Variants in DENND10 observed in about 807,000 individuals in gnomAD.
The protein encoded by DENND10 is DENN domain containing 10.
DENND10 carries 24 observed loss-of-function variants against 43.6 expected under a neutral mutation model. The ratio of observed to expected loss-of-function variants is 0.55; its 90% CI spans 0.40 to 0.77. The LOEUF is 0.77. Ranked by LOEUF, DENND10 falls within the 30% of genes least tolerant of loss-of-function variation. The pLI is 0.00. For synonymous variants in DENND10, 125 were observed against 157.6 expected (o/e 0.79, Z 1.55); for missense variants, 303 against 429.9 (o/e 0.70, Z 2.61).
At chr10:119,119,129 C>T (rs1021508169) in intron 4 of DENND10, among the ~76,000 whole-genome samples, 1 of 152,082 alleles carries the variant, frequency 6.6e-6, no homozygotes, top group African/African-American at 2.4e-5. Context: ...CTCAGCCTCC[C>T]AAGTAGCTGG....
chr10:119,108,747 C>T (rs546746433), intron 2 of DENND10, among the ~76,000 whole-genome samples: 89 of 151,124 alleles, frequency 5.9e-4, no homozygotes, highest in African/African-American at 2.1e-3. Flanking sequence ...CTCCGCCTCC[C>T]GGGTTCAAGC....
At chr10:119,117,785 G>A in intron 4 of DENND10, 118 bp downstream of exon 4, 1 of 939,458 alleles carries the variant, frequency 1.1e-6, no homozygotes, top group Admixed American at 2.8e-5. Flanking sequence ...GGTTAACATG[G>A]TGAAACCTCG....
chr10:119,112,483 TTTTC>T (rs1471429871), intron 3 of DENND10, among the ~76,000 whole-genome samples: 21 of 150,554 alleles, frequency 1.4e-4, no homozygotes, highest in Admixed American at 1.4e-3. Context: ...TTCTTTTTCT[TTTTC>T]TTTTTCTTTT....
chr10:119,133,580 A>C (rs1846178367), intron 8 of DENND10: 1 of 152,252 alleles, frequency 6.6e-6, no homozygotes, highest in African/African-American at 2.4e-5. Flanking sequence ...CAAGATAATT[A>C]CAGCCCATGT....
At chr10:119,128,605 C>CA (rs144367027) in intron 6 of DENND10, among the ~76,000 whole-genome samples, 79,483 of 140,260 alleles carry the variant, frequency 0.57, 22,014 homozygotes, top group Middle Eastern at 0.69. Flanking sequence ...GAGACTGTCT[C>CA]AAAAAAAAAA....
intron 1 of DENND10, among the ~76,000 whole-genome samples, 174 bp downstream of exon 1, chr10:119,104,371 A>G (rs1001076936): frequency 2.0e-4 from 31 of 151,356 alleles, no homozygotes; most frequent in Non-Finnish European, 4.0e-4. Context: ...TCCTTGGTGC[A>G]GGGGACCCGG....
rs1311362038 is a variant in DENND10 at position 119,129,567 on chromosome 10, T to G, written c.747T>G (p.Tyr249Ter). Reference sequence around the variant, plus strand: ...AGGTGAGCAACAGACCAGACCTCTATGATGTGTTTGTGAATCTGGCAGAGA... The same window carrying G: ...AGGTGAGCAACAGACCAGACCTCTAGGATGTGTTTGTGAATCTGGCAGAGA... ...DLEVSNRPDL[Y>*]DVFVNLAESE... is the part of the protein sequence containing the mutation. The change falls in exon 7 of 9, where the codon TAT (tyrosine) becomes TAG (stop). Residue 249 changes from tyrosine to a stop codon, truncating the protein, a stop_gained. Transcript: ENST00000361432. LOFTEE classifies it high-confidence loss of function. The G allele has an allele frequency of 6.2e-7, 1 of 1,613,898 alleles. No homozygotes were observed. The highest frequency in any genetic ancestry group is 1.7e-5 in the Admixed American group (1 of 59,998).
At chr10:119,131,380 C>G (rs1211732303) in intron 7 of DENND10, among the ~76,000 whole-genome samples, 1 of 152,190 alleles carries the variant, frequency 6.6e-6, no homozygotes, top group Non-Finnish European at 1.5e-5. Flanking sequence ...ATCAGTTGAA[C>G]CCGGGAGGCA....
chr10:119,118,033 C>T (rs1307824862), intron 4 of DENND10, among the ~76,000 whole-genome samples: 1 of 151,902 alleles, frequency 6.6e-6, no homozygotes, highest in Admixed American at 6.6e-5. Context: ...AATCCCCAAG[C>T]CAAAAACAGT....
intron 3 of DENND10, among the ~76,000 whole-genome samples, chr10:119,117,039 C>T: frequency 6.6e-6 from 1 of 152,004 alleles, no homozygotes; most frequent in East Asian, 1.9e-4. Flanking sequence ...GAAAGTAATA[C>T]TACTTTCTAC....
chr10:119,131,589 G>C (rs1846091444), intron 7 of DENND10, among the ~76,000 whole-genome samples: 1 of 152,174 alleles, frequency 6.6e-6, no homozygotes, highest in African/African-American at 2.4e-5. Flanking sequence ...GCTTTGTTTT[G>C]TCACTTATCT....
Position 119,132,635 on chromosome 10 carries a change from T to C in DENND10, c.897+26T>C. Reference sequence around the variant, plus strand: ...GTAACTCCCTCACCTTCTGACTTACTGAAAGTCCTGACCCGGTGTCGCTGG... The same window carrying C: ...GTAACTCCCTCACCTTCTGACTTACCGAAAGTCCTGACCCGGTGTCGCTGG... On this transcript the variant is annotated intron_variant, in intron 8 of 8. Coordinates refer to ENST00000361432, the MANE Select transcript of DENND10 (RefSeq NM_207009.4). The surrounding 1 kb of genome is among the most constrained non-coding windows in gnomAD (Gnocchi z 4.2). The C allele has an allele frequency of 1.9e-6, 3 of 1,573,508 alleles. No individual in the cohort carries two copies. Among genetic ancestry groups the C allele is most frequent in the Non-Finnish European group, 2.6e-6 (3 of 1,142,938 alleles).
Position 119,126,206 on chromosome 10 carries a change from A to T in DENND10, c.694+2637A>T, listed in dbSNP as rs191820927. ...CATTTTCTTTTCCATTCATCTGTTG[A>T]TGGACACTCAGTTTGATTCCAAATC... On this transcript the variant is annotated intron_variant, in intron 6 of 8. Transcript: ENST00000361432. Among the ~76,000 whole-genome samples the T allele has an allele frequency of 3.3e-5, 5 of 152,088 alleles. No individual in the cohort carries two copies. In the East Asian group the frequency reaches 9.7e-4, roughly 29 times the overall value.
chr10:119,120,881 A>G (rs528389405), intron 5 of DENND10, among the ~76,000 whole-genome samples: 2 of 152,156 alleles, frequency 1.3e-5, no homozygotes, highest in East Asian at 3.9e-4. Context: ...CCTTCTGTTC[A>G]GTTTTATCAA....
At chr10:119,129,867 T>C (rs1408304610) in intron 7 of DENND10, among the ~76,000 whole-genome samples, 1 of 152,262 alleles carries the variant, frequency 6.6e-6, no homozygotes, top group Non-Finnish European at 1.5e-5. Context: ...TTCACTACTT[T>C]TGTGTTTAAA....
At chr10:119,111,178 G>C (rs1373086561) in intron 2 of DENND10, among the ~76,000 whole-genome samples, 1 of 145,528 alleles carries the variant, frequency 6.9e-6, no homozygotes, top group Non-Finnish European at 1.5e-5. Context: ...TGAGGCATGA[G>C]AATTGCTTGA....
chr10:119,117,371 C>CA (rs918376870), intron 3 of DENND10, 148 bp from the exon 4 acceptor site: 266 of 809,294 alleles, frequency 3.3e-4, no homozygotes, highest in Middle Eastern at 4.9e-4. Context: ...GACTCTGTCT[C>CA]AAAAAAAACA....
chr10:119,120,983 AT>A (rs2133494903), intron 5 of DENND10, among the ~76,000 whole-genome samples: 1 of 151,832 alleles, frequency 6.6e-6, no homozygotes, highest in South Asian at 2.1e-4. Context: ...TTTAAATTTT[AT>A]TTTCATTTTT....
Position 119,104,127 on chromosome 10 carries a change from G to A in DENND10, c.-16G>A. 2 of 1,502,780 alleles carry A rather than the reference G, an allele frequency of 1.3e-6. No homozygotes were observed. Among genetic ancestry groups the A allele is most frequent in the Non-Finnish European group, 1.8e-6 (2 of 1,126,178 alleles). The allele number at this position is 1,502,780 out of a possible 1,614,324, so 93.1% of individuals were successfully genotyped here. The stretch of plus-strand genomic sequence containing the variant: ...CTGCAGGCGGCAGCCAGAGCTGCGC[G>A]CCGCGGCGGCGGAAGATGGCTGCGG... On this transcript the variant is annotated 5_prime_UTR_variant, in exon 1 of 9. Coordinates refer to ENST00000361432, the MANE Select transcript of DENND10 (RefSeq NM_207009.4).
Sources: gnomAD v4.1 joint callset for allele counts (sites outside exome capture counted in the v4.1 genomes callset) on GRCh38, gnomAD v4.1.1 for gene constraint, Gnocchi (gnomAD v3.1) non-coding constraint, MANE v1.5 for transcripts, NCBI Gene and HGNC (gene_info 2026-07-23, HGNC 2026-07-21) for gene names.